XKR6: variants seen among roughly 807,000 people sequenced by gnomAD.
XKR6 encodes XK related 6, also known as XK-related protein 6.
XKR6 carries 22 observed loss-of-function variants against 56.7 expected under a neutral mutation model. The observed-to-expected ratio is 0.39, with a 90% CI of 0.28 to 0.55. The LOEUF (loss-of-function observed/expected upper bound fraction) is 0.55. Ranked by LOEUF, XKR6 falls within the 20% of genes least tolerant of loss-of-function variation. The pLI, the probability that XKR6 is intolerant of heterozygous loss-of-function variation, is 0.66. For missense variants in XKR6, 852 were observed against 889.0 expected, an observed-to-expected ratio of 0.96 and a Z score of 0.53; for synonymous variants, 524 against 387.8, an observed-to-expected ratio of 1.35 and a Z score of -4.13.
intron 1 of XKR6, among the ~76,000 whole-genome samples, chr8:11,080,376 G>A (rs35167667): frequency 0.22 from 33,668 of 151,262 alleles, 4,118 homozygotes; most frequent in African/African-American, 0.32. Flanking sequence ...GGGTGGGGAA[G>A]GAGAAAAAAA....
chr8:11,183,577 C>A (rs1178867163), intron 1 of XKR6, among the ~76,000 whole-genome samples: 1 of 152,072 alleles, frequency 6.6e-6, no homozygotes, highest in South Asian at 2.1e-4. Flanking sequence ...CCCACCTCAG[C>A]ATCCCAAAGT....
chr8:11,042,465 C>G (rs183524969), intron 1 of XKR6, among the ~76,000 whole-genome samples: 2 of 152,074 alleles, frequency 1.3e-5, no homozygotes, highest in African/African-American at 4.8e-5. Flanking sequence ...AAGGGCAGTT[C>G]CCCTGCACAT....
At chr8:10,902,275 A>G (rs1231349941) in intron 2 of XKR6, among the ~76,000 whole-genome samples, 3 of 152,234 alleles carry the variant, frequency 2.0e-5, no homozygotes, top group Non-Finnish European at 4.4e-5. Flanking sequence ...TGGCCAGCCC[A>G]GTTTTAAGTC....
At chr8:10,958,304 T>G in intron 1 of XKR6, among the ~76,000 whole-genome samples, 1 of 152,358 alleles carries the variant, frequency 6.6e-6, no homozygotes, top group East Asian at 1.9e-4. Context: ...GCCTGAGTGC[T>G]GGGGCTTGGG....
chr8:11,174,698 C>T (rs1455707324), intron 1 of XKR6, among the ~76,000 whole-genome samples: 3 of 152,154 alleles, frequency 2.0e-5, no homozygotes, highest in Non-Finnish European at 4.4e-5. Flanking sequence ...ACCCAGAGGT[C>T]ACGCTCAGTT....
chr8:11,024,670 C>T (rs1442419559), intron 1 of XKR6, among the ~76,000 whole-genome samples: 1 of 152,234 alleles, frequency 6.6e-6, no homozygotes, highest in Non-Finnish European at 1.5e-5. Context: ...CAACCTTGCT[C>T]CCACATTTCC....
In XKR6 at chr8:10,898,605, C is replaced by T. The variant is rs753755136; in HGVS notation, c.1273G>A (p.Val425Met). 2.4e-5 allele frequency: 39 copies of T among 1,614,122 alleles called. No homozygotes were observed. The highest frequency in any genetic ancestry group is 3.3e-4 in the Middle Eastern group (2 of 6,062). The change falls in exon 3 of 3, where the codon GTG (valine) becomes ATG (methionine). Residue 425 changes from valine to methionine, a missense_variant. Physicochemically the swap from Val to Met is conservative, Grantham distance 21. Around this residue, in one of 4 missense-constraint regions of XKR6, gnomAD observed 199 missense variants for 280.4 expected, o/e 0.71. Coordinates refer to ENST00000416569, the MANE Select transcript of XKR6 (RefSeq NM_173683.4). This position sits in a 1 kb window ranked among gnomAD's most constrained non-coding sequence, Gnocchi z 6.6. ...EILFNMVVGI[V>M]YIFCWFNVKE... ...ACGTTAAACCAGCAGAAAATGTACA[C>T]GATCCCTACCACCATGTTGAAGAGG...
chr8:11,000,693 A>G (rs1332476264), intron 1 of XKR6, among the ~76,000 whole-genome samples: 2 of 152,206 alleles, frequency 1.3e-5, no homozygotes, highest in Non-Finnish European at 2.9e-5. Context: ...TCAAAAATAA[A>G]TAAATAAAAA....
chr8:11,123,370 TG>T (rs748844721), intron 1 of XKR6: 55 of 154,574 alleles, frequency 3.6e-4, no homozygotes, highest in Non-Finnish European at 7.0e-4. Context: ...AAAGATTTTT[TG>T]TTTTTTTTTA....
intron 1 of XKR6, among the ~76,000 whole-genome samples, chr8:10,959,452 C>T (rs1342296518): frequency 6.6e-6 from 1 of 152,178 alleles, no homozygotes; most frequent in African/African-American, 2.4e-5. Flanking sequence ...ATATTTATTT[C>T]TCACAATTCT....
chr8:10,969,639 G>C (rs1483111710), intron 1 of XKR6, among the ~76,000 whole-genome samples: 1 of 152,200 alleles, frequency 6.6e-6, no homozygotes, highest in East Asian at 1.9e-4. Flanking sequence ...TGAAAGGCCA[G>C]AGGAACTGTT....
chr8:10,981,678 C>G (rs1391506026), intron 1 of XKR6, among the ~76,000 whole-genome samples: 2 of 152,260 alleles, frequency 1.3e-5, no homozygotes, highest in East Asian at 1.9e-4. Context: ...TAAAGATGCC[C>G]AGGTAGTGTC....
chr8:11,050,505 A>C (rs1443726983), intron 1 of XKR6, among the ~76,000 whole-genome samples: 1 of 152,028 alleles, frequency 6.6e-6, no homozygotes, highest in African/African-American at 2.4e-5. Context: ...TCCCCAGCCA[A>C]ATCCAAGGGA....
At chr8:11,053,437 A>C (rs1233378227) in intron 1 of XKR6, among the ~76,000 whole-genome samples, 1 of 152,208 alleles carries the variant, frequency 6.6e-6, no homozygotes, top group Non-Finnish European at 1.5e-5. Context: ...ATTAGAAAGA[A>C]AGCTGGCTCC....
chr8:11,167,347 G>A (rs1802130128), intron 1 of XKR6, among the ~76,000 whole-genome samples: 1 of 152,170 alleles, frequency 6.6e-6, no homozygotes, highest in Admixed American at 6.5e-5. Context: ...ATGGGACCCT[G>A]GTCCCTGGTT....
intron 1 of XKR6, among the ~76,000 whole-genome samples, chr8:11,048,011 C>T (rs574034612): frequency 4.3e-4 from 66 of 152,270 alleles, no homozygotes; most frequent in African/African-American, 1.5e-3. Context: ...CAGCCTCCAG[C>T]GCCTGTGTTC....
intron 1 of XKR6, among the ~76,000 whole-genome samples, chr8:10,977,198 C>A (rs960427045): frequency 1.1e-4 from 16 of 152,236 alleles, no homozygotes; most frequent in African/African-American, 3.9e-4. Flanking sequence ...GTTGTCCAGG[C>A]CAGCACCCTC....
At position 10,942,387 on chromosome 8, in the gene XKR6, G is replaced by T. The variant is rs556958250; in HGVS notation, c.765-17557C>A. On this transcript the variant is annotated intron_variant, in intron 1 of 2. Coordinates refer to ENST00000416569, the MANE Select transcript of XKR6 (RefSeq NM_173683.4). ...TACGTGTGGACACACAGTCACATCC[G>T]CCACGGCCCTGAGTCCACAGCCAGC... Among the ~76,000 whole-genome samples the T allele has an allele frequency of 3.1e-4, 47 of 152,286 alleles. 1 individual carries two copies. The East Asian group carries it at 8.1e-3, about 26-fold the overall frequency.
At chr8:11,130,549 T>C in intron 1 of XKR6, among the ~76,000 whole-genome samples, 1 of 151,596 alleles carries the variant, frequency 6.6e-6, no homozygotes, top group Non-Finnish European at 1.5e-5. Context: ...CTCTGTAGAC[T>C]TCCTTAGGCT....
Sources: gnomAD v4.1 joint callset for allele counts (sites outside exome capture counted in the v4.1 genomes callset) on GRCh38, gnomAD v4.1.1 for gene constraint, gnomAD v4.1.1 regional missense constraint, Gnocchi (gnomAD v3.1) non-coding constraint, MANE v1.5 for transcripts, NCBI Gene and HGNC (gene_info 2026-07-23, HGNC 2026-07-21) for gene names.